TBL1XR1: variants seen among roughly 807,000 people sequenced by gnomAD.
TBL1XR1 encodes the protein F-box-like/WD repeat-containing protein TBL1XR1.
A neutral mutation model predicts 66.9 loss-of-function variants in TBL1XR1; 5 were observed. The observed-to-expected ratio is 0.07, with a 90% CI of 0.04 to 0.16. The LOEUF is 0.16. Ranked by LOEUF, TBL1XR1 falls within the 10% of genes least tolerant of loss-of-function variation. TBL1XR1 has a pLI of 1.00. For missense variants in TBL1XR1, 238 were observed against 623.2 expected (o/e 0.38, Z 6.58); for synonymous variants, 210 against 206.0 (o/e 1.02, Z -0.17).
intron 1 of TBL1XR1, among the ~76,000 whole-genome samples, chr3:177,100,448 G>A (rs1415629255): frequency 6.6e-6 from 1 of 151,204 alleles, no homozygotes; most frequent in Admixed American, 6.6e-5. Context: ...TTTTGAGACG[G>A]AGTCTCACTC....
chr3:177,196,126 G>C (rs1033628851), intron 1 of TBL1XR1, among the ~76,000 whole-genome samples: 1 of 152,128 alleles, frequency 6.6e-6, no homozygotes, highest in African/African-American at 2.4e-5. Flanking sequence ...GCCTGTTTCA[G>C]CAAATTAAGA....
rs1715847299 is a variant in TBL1XR1 at position 177,043,237 on chromosome 3, C to T, written c.925+2892G>A. On this transcript the variant is annotated intron_variant, in intron 10 of 15. Coordinates refer to ENST00000457928, the MANE Select transcript of TBL1XR1 (RefSeq NM_024665.7). ...CCCTCTTCCCATCTTCTCAGTCCATCAATTATTGAGAGAAGAATACTAAAG... is the reference window on the plus strand; with the variant it reads ...CCCTCTTCCCATCTTCTCAGTCCATTAATTATTGAGAGAAGAATACTAAAG... Among the ~76,000 whole-genome samples, 9 of 152,270 alleles carry T rather than the reference C, an allele frequency of 5.9e-5. No individual in the cohort carries two copies. In the South Asian group the frequency reaches 1.9e-3, roughly 32 times the overall value.
chr3:177,050,916 T>G (rs1225200994), intron 5 of TBL1XR1, among the ~76,000 whole-genome samples: 1 of 152,142 alleles, frequency 6.6e-6, no homozygotes, highest in Non-Finnish European at 1.5e-5. Flanking sequence ...AAATATAATG[T>G]CTATCAGTAC....
intron 10 of TBL1XR1, among the ~76,000 whole-genome samples, chr3:177,041,593 C>T (rs546582989): frequency 4.6e-5 from 7 of 152,258 alleles, no homozygotes; most frequent in Non-Finnish European, 8.8e-5. Flanking sequence ...CAACTTTATC[C>T]GCATGATGTG....
chr3:177,118,012 A>G (rs1295799699), intron 1 of TBL1XR1, among the ~76,000 whole-genome samples: 3 of 152,314 alleles, frequency 2.0e-5, no homozygotes, highest in African/African-American at 4.8e-5. Context: ...TCTAGGGCCA[A>G]TGGCCATTTA....
chr3:177,145,819 T>C (rs1730172510), intron 1 of TBL1XR1, among the ~76,000 whole-genome samples: 1 of 152,232 alleles, frequency 6.6e-6, no homozygotes, highest in African/African-American at 2.4e-5. Flanking sequence ...GTGTTGAACA[T>C]ATAGTTGCAA....
intron 1 of TBL1XR1, among the ~76,000 whole-genome samples, chr3:177,101,626 C>T (rs1316217037): frequency 6.6e-6 from 1 of 152,170 alleles, no homozygotes; most frequent in Admixed American, 6.5e-5. Flanking sequence ...TGTTATAAAG[C>T]AGTAAGAAGG....
intron 1 of TBL1XR1, among the ~76,000 whole-genome samples, chr3:177,111,474 A>G (rs1406652198): frequency 6.6e-6 from 1 of 151,944 alleles, no homozygotes; most frequent in Non-Finnish European, 1.5e-5. Flanking sequence ...AATAGCTGGG[A>G]GGATCGGTTG....
At chr3:177,061,367 C>T (rs1476177914) in intron 3 of TBL1XR1, among the ~76,000 whole-genome samples, 1 of 152,104 alleles carries the variant, frequency 6.6e-6, no homozygotes, top group Admixed American at 6.5e-5. Flanking sequence ...TGATTTTCCC[C>T]CTGCAGATAG....
chr3:177,131,867 G>C lies in TBL1XR1; in HGVS notation c.-121-33326C>G, dbSNP rs938228435. 3.4e-5 allele frequency among the ~76,000 whole-genome samples: 5 copies of C among 145,476 alleles called. No individual in the cohort carries two copies. In the Admixed American group the frequency reaches 3.5e-4, roughly 10 times the overall value. ...TCATCACATCTTCCAATAAAGACAA[G>C]ATTCCTGCTCTACTGGCATTTACAT... On this transcript the variant is annotated intron_variant, in intron 1 of 15. Coordinates refer to ENST00000457928, the MANE Select transcript of TBL1XR1 (RefSeq NM_024665.7).
At chr3:177,081,743 CAAAAAAAA>C (rs34501803) in intron 2 of TBL1XR1, among the ~76,000 whole-genome samples, 2 of 129,682 alleles carry the variant, frequency 1.5e-5, no homozygotes, top group African/African-American at 5.9e-5. Flanking sequence ...ACCCTGACTT[CAAAAAAAA>C]AAAAAAAAAG....
intron 10 of TBL1XR1, among the ~76,000 whole-genome samples, chr3:177,041,446 C>G (rs895487204): frequency 3.3e-5 from 5 of 152,294 alleles, no homozygotes; most frequent in Middle Eastern, 3.4e-3. Context: ...CCCTCCCCCC[C>G]ATCCTGCTTC....
intron 1 of TBL1XR1, among the ~76,000 whole-genome samples, chr3:177,148,106 T>C (rs1016684253): frequency 2.0e-5 from 3 of 152,244 alleles, no homozygotes; most frequent in Non-Finnish European, 4.4e-5. Context: ...ATTTTTTTGT[T>C]CTGAATGAAG....
At chr3:177,179,328 T>A (rs568462783) in intron 1 of TBL1XR1, among the ~76,000 whole-genome samples, 1 of 152,126 alleles carries the variant, frequency 6.6e-6, no homozygotes, top group Admixed American at 6.5e-5. Flanking sequence ...AACATGAATA[T>A]GCTGGGGAAA....
At chr3:177,198,865 GAC>G (rs57636923), upstream of TBL1XR1, among the ~76,000 whole-genome samples, 16,061 of 147,936 alleles carry the variant, frequency 0.11, 914 homozygotes, top group Middle Eastern at 0.18. Context: ...GAAGTTTTGC[GAC>G]ACACACACAC....
upstream of TBL1XR1, among the ~76,000 whole-genome samples, chr3:177,200,795 C>T (rs140010621): frequency 6.6e-6 from 1 of 152,076 alleles, no homozygotes; most frequent in South Asian, 2.1e-4. Context: ...CACTTGAGGT[C>T]GGGAGTTCAA....
intron 1 of TBL1XR1, among the ~76,000 whole-genome samples, chr3:177,163,242 C>T (rs565347610): frequency 6.6e-6 from 1 of 152,132 alleles, no homozygotes; most frequent in Non-Finnish European, 1.5e-5. Context: ...CGTGGTGGCT[C>T]ACGCTTGTAA....
chr3:177,197,413 G>T lies in TBL1XR1; in HGVS notation c.-414C>A. The T allele has an allele frequency of 6.8e-6, 1 of 146,602 alleles. No individual in the cohort carries two copies. The highest frequency in any genetic ancestry group is 1.8e-4 in the South Asian group (1 of 5,490). The allele number at this position is 146,602 out of a possible 1,614,324, so 9.1% of individuals were successfully genotyped here. A position where few individuals can be genotyped will look rare whatever the true frequency, so the allele number is the denominator to read the frequency against. ...CGGGGGGAGGCGGCGCGCGGGGGAA[G>T]GGCGCGAGCGGGGAGAGGAATTGAG... On this transcript the variant is annotated 5_prime_UTR_variant, in exon 1 of 16. Coordinates refer to ENST00000457928, the MANE Select transcript of TBL1XR1 (RefSeq NM_024665.7).
chr3:177,092,864 C>G (rs1723008307), intron 2 of TBL1XR1, among the ~76,000 whole-genome samples: 1 of 152,048 alleles, frequency 6.6e-6, no homozygotes, highest in Admixed American at 6.6e-5. Context: ...TCATAACAGC[C>G]AAGAGGTGGA....
Sources: allele counts gnomAD v4.1 joint callset (sites outside exome capture counted in the v4.1 genomes callset), GRCh38; gene constraint gnomAD v4.1.1; transcripts MANE v1.5; gene names NCBI Gene and HGNC (gene_info 2026-07-23, HGNC 2026-07-21).